Variants in TG observed in about 807,000 individuals in gnomAD.
TG encodes thyroid hormones.
A neutral mutation model predicts 324.7 loss-of-function variants in TG; 270 were observed. That is an observed-to-expected ratio of 0.83 (90% CI 0.75 to 0.92). The LOEUF (loss-of-function observed/expected upper bound fraction) is 0.92. Ranked by LOEUF, TG falls within the 40% of genes least tolerant of loss-of-function variation. The pLI, the probability that TG is intolerant of heterozygous loss-of-function variation, is 0.00. For missense variants in TG, 3,591 were observed against 3,456.4 expected (o/e 1.04, Z -0.98); for synonymous variants, 1,401 against 1,327.0 (o/e 1.06, Z -1.21).
intron 2 of TG, 134 bp downstream of exon 2, chr8:132,868,357 G>A (rs1164065741): frequency 1.2e-6 from 1 of 832,016 alleles, no homozygotes; most frequent in Non-Finnish European, 2.0e-6. Flanking sequence ...TCATTTGGAG[G>A]TGCCTGCCTT....
At chr8:132,958,260 T>C (rs1170650324) in intron 27 of TG, among the ~76,000 whole-genome samples, 1 of 152,220 alleles carries the variant, frequency 6.6e-6, no homozygotes, top group Non-Finnish European at 1.5e-5. Context: ...TTAAAAACCT[T>C]ATTCACTTTA....
intron 5 of TG, among the ~76,000 whole-genome samples, chr8:132,881,501 G>A (rs905973359): frequency 6.6e-6 from 1 of 152,152 alleles, no homozygotes; most frequent in Non-Finnish European, 1.5e-5. Context: ...CTTTAGTCTC[G>A]AGAGCTGTAT....
chr8:132,872,247 G>A (rs1244394688), intron 4 of TG, among the ~76,000 whole-genome samples: 2 of 151,930 alleles, frequency 1.3e-5, no homozygotes, highest in Non-Finnish European at 2.9e-5. Context: ...GGGAGGCCGA[G>A]GCGGGCGGAT....
intron 43 of TG, among the ~76,000 whole-genome samples, chr8:133,106,987 A>G (rs1346924674): frequency 6.6e-6 from 1 of 152,230 alleles, no homozygotes; most frequent in Non-Finnish European, 1.5e-5. Context: ...CTCGGCGTGA[A>G]CTAAAGGGCA....
rs1587349441 is a variant in TG at position 132,906,695 on chromosome 8, G to T, written c.3642G>T (p.Arg1214=). Residue 1214 remains arginine, a synonymous_variant, in exon 17 of 48, where the codon CGG becomes CGT. Coordinates refer to ENST00000220616, the MANE Select transcript of TG (RefSeq NM_003235.5). ...CCACTTTCCTTCTCCCAGGCCCGCG[G>T]TGTCCGCTGCCATTCAACGCGTCGG... ...TGGQPACESP[R]CPLPFNASEV... is the part of the protein sequence containing the mutation. 6.2e-7 allele frequency: 1 copy of T among 1,614,096 alleles called. No individual in the cohort carries two copies. Among genetic ancestry groups the T allele is most frequent in the Non-Finnish European group, 8.5e-7 (1 of 1,180,040 alleles).
intron 22 of TG, among the ~76,000 whole-genome samples, chr8:132,928,764 G>A (rs1822252334): frequency 6.6e-6 from 1 of 152,214 alleles, no homozygotes. Context: ...TGAAGGATAG[G>A]GACAGAGAAA....
chr8:133,133,482 C>T lies in TG; in HGVS notation c.8010C>T (p.Tyr2670=), dbSNP rs1440911824. The change falls in exon 47 of 48, where the codon TAC becomes TAT. Residue 2670 remains tyrosine, a synonymous_variant. Transcript: ENST00000220616. ...CTCATTTGCCCAGAAATCCCAACTA[C>T]CCTTATGAGTTCTCACGGAAAGTAC... ...SHFIRSGNPN[Y]PYEFSRKVPT... 30 of 1,614,076 alleles carry T rather than the reference C, an allele frequency of 1.9e-5. No individual in the cohort carries two copies. The highest frequency in any genetic ancestry group is 2.4e-5 in the Non-Finnish European group (28 of 1,180,022).
intron 43 of TG, among the ~76,000 whole-genome samples, chr8:133,098,320 T>A (rs1259377844): frequency 6.6e-6 from 1 of 152,222 alleles, no homozygotes; most frequent in Non-Finnish European, 1.5e-5. Context: ...CCCTGAATTA[T>A]TATAAACCCT....
At chr8:133,050,454 C>G (rs1443705234) in intron 41 of TG, 1 of 245,478 alleles carries the variant, frequency 4.1e-6, no homozygotes, top group Non-Finnish European at 8.0e-6. Context: ...TTTGTTTTTT[C>G]TCATCCGAAG....
chr8:133,039,911 C>G (rs2131069615), intron 41 of TG: 1 of 1,501,132 alleles, frequency 6.7e-7, no homozygotes, highest in Admixed American at 2.0e-5. Flanking sequence ...GTGCTCGGCA[C>G]ACACACCGTT....
chr8:132,953,891 C>T (rs1391490096), intron 27 of TG, among the ~76,000 whole-genome samples: 5 of 152,046 alleles, frequency 3.3e-5, no homozygotes, highest in Non-Finnish European at 5.9e-5. Flanking sequence ...TCTTAGAAAG[C>T]TCTGGGGCTG....
chr8:133,004,737 A>G (rs1281942603), intron 35 of TG, among the ~76,000 whole-genome samples: 1 of 152,170 alleles, frequency 6.6e-6, no homozygotes, highest in African/African-American at 2.4e-5. Context: ...CCAACCACAC[A>G]TCTGCCTGGT....
At chr8:133,126,135 T>G (rs1394784669) in intron 45 of TG, among the ~76,000 whole-genome samples, 1 of 152,228 alleles carries the variant, frequency 6.6e-6, no homozygotes, top group East Asian at 1.9e-4. Flanking sequence ...CACATAAATC[T>G]GCATCACCTG....
chr8:133,015,058 A>T (rs2130904513), intron 37 of TG, among the ~76,000 whole-genome samples: 1 of 152,236 alleles, frequency 6.6e-6, no homozygotes, highest in South Asian at 2.1e-4. Context: ...TTTTTAATAG[A>T]GATAGGGTTT....
intron 38 of TG, 23 bp downstream of exon 38, chr8:133,018,020 C>T (rs1835201234): frequency 6.2e-7 from 1 of 1,607,512 alleles, no homozygotes; most frequent in African/African-American, 1.3e-5. Flanking sequence ...TGGAGCACAT[C>T]TTGGTAAATG....
At chr8:132,870,759 T>C (rs992753693) in intron 3 of TG, among the ~76,000 whole-genome samples, 1 of 152,020 alleles carries the variant, frequency 6.6e-6, no homozygotes, top group African/African-American at 2.4e-5. Flanking sequence ...GCAGAGATCA[T>C]GTGAGAGAGA....
intron 41 of TG, among the ~76,000 whole-genome samples, chr8:133,059,518 G>A (rs1165147009): frequency 6.6e-6 from 1 of 152,038 alleles, no homozygotes; most frequent in Non-Finnish European, 1.5e-5. Context: ...GCTGACTTTG[G>A]TCATCACTGA....
intron 35 of TG, among the ~76,000 whole-genome samples, chr8:132,991,568 C>G (rs935470228): frequency 6.6e-6 from 1 of 152,210 alleles, no homozygotes; most frequent in South Asian, 2.1e-4. Context: ...TTTGAGGGAG[C>G]TCATGGTGCA....
intron 8 of TG, among the ~76,000 whole-genome samples, chr8:132,883,650 G>C (rs762460679): frequency 6.6e-6 from 1 of 152,152 alleles, no homozygotes; most frequent in Non-Finnish European, 1.5e-5. Flanking sequence ...CTGGAGGTCA[G>C]GTGAAGACAG....
Sources: allele counts gnomAD v4.1 joint callset (sites outside exome capture counted in the v4.1 genomes callset), GRCh38; gene constraint gnomAD v4.1.1; transcripts MANE v1.5; gene names NCBI Gene and HGNC (gene_info 2026-07-23, HGNC 2026-07-21).